The following WDFY2 variants were observed in gnomAD, a reference collection of about 807,000 sequenced individuals.
The protein encoded by WDFY2 is WD repeat and FYVE domain containing 2.
A neutral mutation model predicts 56.4 loss-of-function variants in WDFY2; 36 were observed. That is an observed-to-expected ratio of 0.64 (90% CI 0.49 to 0.84). The LOEUF is 0.84. Ranked by LOEUF, WDFY2 falls within the 40% of genes least tolerant of loss-of-function variation. The probability of loss-of-function intolerance (pLI) is 0.00; values close to 1 mark genes in which losing one functional copy is unlikely to be tolerated. For synonymous variants in WDFY2, 176 were observed against 183.7 expected (o/e 0.96, Z 0.34); for missense variants, 444 against 512.2 (o/e 0.87, Z 1.29).
intron 3 of WDFY2, among the ~76,000 whole-genome samples, chr13:51,693,680 C>T (rs1314665264): frequency 2.7e-4 from 40 of 150,422 alleles, no homozygotes; most frequent in African/African-American, 9.7e-4. Flanking sequence ...GTGGAGAGTT[C>T]TGTAGATGTC....
chr13:51,639,045 A>C (rs1187561312), intron 1 of WDFY2, among the ~76,000 whole-genome samples: 1 of 152,192 alleles, frequency 6.6e-6, no homozygotes, highest in Non-Finnish European at 1.5e-5. Context: ...GCATTTAATG[A>C]GTTTACATGT....
Position 51,755,558 on chromosome 13 carries a change from A to AG in WDFY2, c.933+102dup, listed in dbSNP as rs1171441082. On this transcript the variant is annotated intron_variant, in intron 9 of 11. Coordinates refer to ENST00000298125, the MANE Select transcript of WDFY2 (RefSeq NM_052950.4). Reference sequence around the variant, plus strand: ...ACACCCCTGGGTGGGAGTTGTGGTGAGGGTAAATTATTATCCTGGAGTCAC... The same window carrying AG: ...ACACCCCTGGGTGGGAGTTGTGGTGAGGGGTAAATTATTATCCTGGAGTCAC... 16 of 1,157,380 alleles carry AG rather than the reference A, an allele frequency of 1.4e-5. No homozygotes were observed. The Admixed American group carries it at 2.7e-4, about 20-fold the overall frequency. 71.7% of individuals were successfully genotyped at this position (1,157,380 alleles called of 1,614,324 possible). A position where few individuals can be genotyped will look rare whatever the true frequency, so the allele number is the denominator to read the frequency against.
chr13:51,714,282 TTTTTG>T (rs1317599212), intron 4 of WDFY2, among the ~76,000 whole-genome samples: 5 of 151,978 alleles, frequency 3.3e-5, no homozygotes, highest in African/African-American at 9.7e-5. Context: ...TGTTTTTGTT[TTTTTG>T]TTTTGTTTTG....
chr13:51,616,495 C>T (rs551939108), intron 1 of WDFY2, among the ~76,000 whole-genome samples: 2 of 152,282 alleles, frequency 1.3e-5, no homozygotes, highest in East Asian at 3.9e-4. Flanking sequence ...TCTTAAATCT[C>T]AGAGGCTTTT....
intron 2 of WDFY2, among the ~76,000 whole-genome samples, chr13:51,669,998 C>T (rs574588909): frequency 6.6e-6 from 1 of 152,168 alleles, no homozygotes; most frequent in Non-Finnish European, 1.5e-5. Flanking sequence ...TCAGGCACTT[C>T]ACTCACCCTT....
At chr13:51,619,927 G>C (rs1416520048) in intron 1 of WDFY2, among the ~76,000 whole-genome samples, 1 of 152,202 alleles carries the variant, frequency 6.6e-6, no homozygotes, top group Non-Finnish European at 1.5e-5. Flanking sequence ...ATCAGGTTAG[G>C]TTATTGTTCC....
intron 1 of WDFY2, among the ~76,000 whole-genome samples, chr13:51,610,497 C>T (rs980713032): frequency 6.6e-6 from 1 of 152,096 alleles, no homozygotes; most frequent in Non-Finnish European, 1.5e-5. Flanking sequence ...TTAGATTAAG[C>T]ACATAAATTT....
At chr13:51,611,618 T>C (rs1164621878) in intron 1 of WDFY2, among the ~76,000 whole-genome samples, 2 of 152,204 alleles carry the variant, frequency 1.3e-5, no homozygotes, top group Admixed American at 1.3e-4. Flanking sequence ...TTCTTGCTGG[T>C]CGAACCTCAA....
At chr13:51,680,531 G>A (rs1047180362) in intron 3 of WDFY2, among the ~76,000 whole-genome samples, 44 of 152,142 alleles carry the variant, frequency 2.9e-4, no homozygotes, top group African/African-American at 1.1e-3. Flanking sequence ...GGTTCTGGGT[G>A]GACATGAATT....
intron 7 of WDFY2, among the ~76,000 whole-genome samples, chr13:51,750,569 C>T (rs1953209593): frequency 6.6e-6 from 1 of 150,724 alleles, no homozygotes; most frequent in Non-Finnish European, 1.5e-5. Context: ...AAACTATGTA[C>T]CCTATTCTCT....
intron 2 of WDFY2, among the ~76,000 whole-genome samples, chr13:51,673,512 A>G (rs1234625818): frequency 1.3e-5 from 2 of 152,260 alleles, no homozygotes; most frequent in Non-Finnish European, 2.9e-5. Flanking sequence ...TAATCTTGTC[A>G]TTTGAACACA....
chr13:51,667,879 CTTTTTTTTTTTTTTTTTTTT>C (rs66771214), intron 2 of WDFY2, among the ~76,000 whole-genome samples: 1 of 50,046 alleles, frequency 2.0e-5, no homozygotes, highest in Admixed American at 3.5e-4. Context: ...TGAGGAACTT[CTTTTTTTTTTTTTTTTTTTT>C]TTTTTTTTTT....
chr13:51,672,800 C>G (rs1460941247), intron 2 of WDFY2, among the ~76,000 whole-genome samples: 2 of 152,084 alleles, frequency 1.3e-5, no homozygotes, highest in Non-Finnish European at 2.9e-5. Context: ...TTTTATTTTT[C>G]TGCAGCTACT....
intron 10 of WDFY2, among the ~76,000 whole-genome samples, chr13:51,756,954 A>C (rs1566241140): frequency 6.6e-6 from 1 of 152,170 alleles, no homozygotes. Flanking sequence ...GTAACCCAGG[A>C]CATAGGTTAC....
In WDFY2 at chr13:51,702,260, C is replaced by G. The variant is rs575950650; in HGVS notation, c.280-1336C>G. On this transcript the variant is annotated intron_variant, in intron 3 of 11. Transcript: ENST00000298125. ...CTGGGAGGCAGAGGTTGCAGTGAGCCAGGATCGCGCCACTGCACTCCAACC... is the reference window on the plus strand; with the variant it reads ...CTGGGAGGCAGAGGTTGCAGTGAGCGAGGATCGCGCCACTGCACTCCAACC... Among the ~76,000 whole-genome samples the G allele has an allele frequency of 7.9e-5, 12 of 151,360 alleles. No individual in the cohort carries two copies. The South Asian group carries it at 8.4e-4, about 11-fold the overall frequency.
In WDFY2 at chr13:51,619,433, C is replaced by CA. The variant is rs5803565; in HGVS notation, c.137+34622dup. On this transcript the variant is annotated intron_variant, in intron 1 of 11. Coordinates refer to ENST00000298125, the MANE Select transcript of WDFY2 (RefSeq NM_052950.4). ...GGGCAACAGAGCCAGACACTATCTC[C>CA]AAAAAAAAAAAAACAAAAAACAAAA... 3.4e-3 allele frequency among the ~76,000 whole-genome samples: 465 copies of CA among 135,734 alleles called. 2 individuals carry two copies. Among genetic ancestry groups the CA allele is most frequent in the Non-Finnish European group, 4.2e-3 (259 of 61,706 alleles). 89.0% of individuals were successfully genotyped at this position (135,734 alleles called of 152,430 possible).
intron 7 of WDFY2, among the ~76,000 whole-genome samples, chr13:51,748,385 T>C (rs754504135): frequency 6.6e-6 from 1 of 152,228 alleles, no homozygotes; most frequent in Non-Finnish European, 1.5e-5. Context: ...AAGTAAACTT[T>C]GCCTTGCTGA....
At chr13:51,739,882 G>A (rs180989824) in intron 7 of WDFY2, among the ~76,000 whole-genome samples, 23 of 152,318 alleles carry the variant, frequency 1.5e-4, no homozygotes, top group Admixed American at 7.8e-4. Context: ...ACCCTGAGAC[G>A]CCTTGCTGTC....
At chr13:51,757,901 G>A (rs1953449151) in intron 10 of WDFY2, among the ~76,000 whole-genome samples, 2 of 151,444 alleles carry the variant, frequency 1.3e-5, no homozygotes, top group Non-Finnish European at 2.9e-5. Flanking sequence ...CAAAAGCCCT[G>A]TGGTTTTAAA....
Sources: gnomAD v4.1 joint callset for allele counts (sites outside exome capture counted in the v4.1 genomes callset) on GRCh38, gnomAD v4.1.1 for gene constraint, MANE v1.5 for transcripts, NCBI Gene and HGNC (gene_info 2026-07-23, HGNC 2026-07-21) for gene names.